MGAT4C: variants seen among roughly 807,000 people sequenced by gnomAD.
MGAT4C encodes alpha-1,3-mannosyl-glycoprotein 4-beta-N-acetylglucosaminyltransferase C.
MGAT4C carries 19 observed loss-of-function variants against 40.1 expected under a neutral mutation model. That is an observed-to-expected ratio of 0.47 (90% CI 0.33 to 0.70). The LOEUF is 0.70. MGAT4C is among the 30% of genes least tolerant of loss of function. MGAT4C has a pLI of 0.02. For synonymous variants in MGAT4C, 181 were observed against 187.1 expected (o/e 0.97, Z 0.27); for missense variants, 491 against 563.2 (o/e 0.87, Z 1.30).
intron 3 of MGAT4C, among the ~76,000 whole-genome samples, chr12:85,988,379 T>C (rs1177956359): frequency 6.6e-6 from 1 of 152,118 alleles, no homozygotes; most frequent in Non-Finnish European, 1.5e-5. Flanking sequence ...GCATAGTATC[T>C]GGAAAATAAT....
intron 2 of MGAT4C, among the ~76,000 whole-genome samples, chr12:86,680,403 G>A (rs1290217704): frequency 6.6e-6 from 1 of 151,866 alleles, no homozygotes; most frequent in African/African-American, 2.4e-5. Context: ...GGCTAAGAGA[G>A]AGAAAAAAAT....
intron 3 of MGAT4C, 109 bp from the exon 4 acceptor site, chr12:85,983,779 A>T (rs1884899859): frequency 1.2e-6 from 1 of 853,856 alleles, no homozygotes; most frequent in Non-Finnish European, 1.7e-6. Flanking sequence ...TATAGTATGC[A>T]GGGTTATATA....
chr12:85,989,538 T>C lies in MGAT4C; in HGVS notation c.9A>G (p.Lys3=). 1 of 1,603,088 alleles carries C rather than the reference T, an allele frequency of 6.2e-7. No homozygotes were observed. The highest frequency in any genetic ancestry group is 8.5e-7 in the Non-Finnish European group (1 of 1,174,690). Reference sequence around the variant, plus strand: ...CAAAAATATGTTTCATTTGATGAAATTTAAACATTCTCTTCTGTGGAAAAG... The same window carrying C: ...CAAAAATATGTTTCATTTGATGAAACTTAAACATTCTCTTCTGTGGAAAAG... MF[K]FHQMKHIFEI... is the part of the protein sequence containing the mutation. The change falls in exon 3 of 5, where the codon AAA becomes AAG. Residue 3 remains lysine (K), a synonymous_variant. Transcript: ENST00000611864.
intron 2 of MGAT4C, among the ~76,000 whole-genome samples, chr12:86,511,361 G>A (rs1056762990): frequency 5.3e-5 from 8 of 152,024 alleles, no homozygotes; most frequent in African/African-American, 9.7e-5. Flanking sequence ...ATGTTTCACC[G>A]TTTTCAGTGC....
intron 3 of MGAT4C, among the ~76,000 whole-genome samples, chr12:86,354,560 G>C (rs1389069466): frequency 6.6e-6 from 1 of 151,786 alleles, no homozygotes; most frequent in East Asian, 1.9e-4. Context: ...ATAAACCACA[G>C]AAAATTTTAA....
rs112314040 is a variant in MGAT4C, at chr12:86,518,256, G to A, written c.-228-82991C>T. ...TAAAACTTAACCACTTTTGTTCTCC[G>A]AAAGAAACTACTAAGAAAATACAAA... On this transcript the variant is annotated intron_variant, in intron 2 of 7. Transcript: ENST00000548651. Among the ~76,000 whole-genome samples, 513 of 152,140 alleles carry A rather than the reference G, an allele frequency of 3.4e-3. 1 individual carries two copies. Among genetic ancestry groups the A allele is most frequent in the African/African-American group, 0.012 (493 of 41,514 alleles).
chr12:86,820,986 A>G (rs953517398), intron 1 of MGAT4C, among the ~76,000 whole-genome samples: 1 of 150,992 alleles, frequency 6.6e-6, no homozygotes, highest in African/African-American at 2.4e-5. Context: ...GTGTATTAGT[A>G]TATAAGAAAC....
At chr12:86,814,304 ATATATATACG>A (rs1325737970) in intron 1 of MGAT4C, among the ~76,000 whole-genome samples, 1 of 4,778 alleles carries the variant, frequency 2.1e-4, no homozygotes, top group Non-Finnish European at 3.0e-4. Context: ...ACATATACGT[ATATATATACG>A]TATATATACA....
At chr12:86,318,235 G>T (rs1954294335) in intron 4 of MGAT4C, among the ~76,000 whole-genome samples, 1 of 151,996 alleles carries the variant, frequency 6.6e-6, no homozygotes, top group Non-Finnish European at 1.5e-5. Flanking sequence ...TTCATATTAG[G>T]TTTGAATTCA....
At chr12:86,319,446 G>A (rs921906130) in intron 4 of MGAT4C, among the ~76,000 whole-genome samples, 3 of 152,060 alleles carry the variant, frequency 2.0e-5, no homozygotes, top group Non-Finnish European at 4.4e-5. Context: ...ATTCCTTCAT[G>A]TCATTCAGAT....
chr12:86,036,381 G>A (rs941108617), intron 2 of MGAT4C, among the ~76,000 whole-genome samples: 10 of 149,876 alleles, frequency 6.7e-5, no homozygotes, highest in African/African-American at 1.7e-4. Context: ...GAGGGCGTCC[G>A]TGTCTTGTGC....
intron 3 of MGAT4C, among the ~76,000 whole-genome samples, chr12:86,361,598 GCTAAATCTAGAATCTAC>G (rs1566322165): frequency 6.6e-6 from 1 of 152,092 alleles, no homozygotes; most frequent in Non-Finnish European, 1.5e-5. Context: ...CTGACAAAGG[GCTAAATCTAGAATCTAC>G]AAAGAACTCA....
intron 1 of MGAT4C, among the ~76,000 whole-genome samples, chr12:86,751,417 C>G (rs1951229978): frequency 6.6e-6 from 1 of 151,854 alleles, no homozygotes; most frequent in Non-Finnish European, 1.5e-5. Context: ...ATCCAATATC[C>G]TATGAAGATG....
At chr12:86,298,577 C>A (rs1211777968) in intron 4 of MGAT4C, among the ~76,000 whole-genome samples, 5 of 151,960 alleles carry the variant, frequency 3.3e-5, no homozygotes, top group African/African-American at 9.7e-5. Flanking sequence ...CTGGAAGAAA[C>A]CTAAAACCTC....
intron 3 of MGAT4C, among the ~76,000 whole-genome samples, chr12:86,431,901 A>T (rs1412170725): frequency 6.6e-6 from 1 of 152,138 alleles, no homozygotes; most frequent in Non-Finnish European, 1.5e-5. Flanking sequence ...AAGATTGCTG[A>T]TATTTTAAGT....
chr12:85,983,436 A>G, intron 4 of MGAT4C, 87 bp downstream of exon 4: 1 of 1,225,206 alleles, frequency 8.2e-7, no homozygotes. Flanking sequence ...AAAGCCCTTA[A>G]GCCTTTTTAC....
intron 4 of MGAT4C, among the ~76,000 whole-genome samples, chr12:86,320,546 C>A (rs1462280003): frequency 6.6e-6 from 1 of 152,104 alleles, no homozygotes; most frequent in East Asian, 1.9e-4. Flanking sequence ...AAATGCTTTT[C>A]AAACAGTATC....
intron 2 of MGAT4C, among the ~76,000 whole-genome samples, chr12:86,482,876 G>C (rs1478221758): frequency 6.6e-6 from 1 of 152,146 alleles, no homozygotes; most frequent in Non-Finnish European, 1.5e-5. Context: ...TATTTGACCA[G>C]TTCTACTTGT....
chr12:86,106,070 A>T (rs1347581259), intron 1 of MGAT4C, among the ~76,000 whole-genome samples: 2 of 152,168 alleles, frequency 1.3e-5, no homozygotes, highest in Non-Finnish European at 1.5e-5. Context: ...AACTTCTCAC[A>T]AATTCCTTTA....
Sources: gnomAD v4.1 joint callset for allele counts (sites outside exome capture counted in the v4.1 genomes callset) on GRCh38, gnomAD v4.1.1 for gene constraint, MANE v1.5 for transcripts, NCBI Gene and HGNC (gene_info 2026-07-23, HGNC 2026-07-21) for gene names.